Variants in CHST11 observed in about 807,000 individuals in gnomAD.
CHST11 encodes carbohydrate sulfotransferase 11, also known as C4S-1.
CHST11 carries 9 observed loss-of-function variants against 30.4 expected under a neutral mutation model. The ratio of observed to expected loss-of-function variants is 0.30; its 90% confidence interval spans 0.18 to 0.52. The LOEUF is 0.52. Among genes scored for constraint, CHST11 ranks in the 20% least tolerant of loss-of-function variants. The probability of loss-of-function intolerance (pLI) is 0.97; values close to 1 mark genes in which losing one functional copy is unlikely to be tolerated. For missense variants in CHST11, 348 were observed against 460.6 expected (o/e 0.76, Z 2.24); for synonymous variants, 152 against 187.8 (o/e 0.81, Z 1.56).
chr12:104,614,693 TTGTGTGTGTG>T (rs3039184), intron 2 of CHST11, among the ~76,000 whole-genome samples: 3 of 148,826 alleles, frequency 2.0e-5, no homozygotes, highest in African/African-American at 5.0e-5. Flanking sequence ...GCATGCATGC[TTGTGTGTGTG>T]TGTGTGTGTG....
chr12:104,616,801 AT>A (rs2039112308), intron 2 of CHST11, among the ~76,000 whole-genome samples: 1 of 152,126 alleles, frequency 6.6e-6, no homozygotes, highest in Non-Finnish European at 1.5e-5. Flanking sequence ...GGTCTGCACA[AT>A]CATTAACTGG....
intron 1 of CHST11, among the ~76,000 whole-genome samples, chr12:104,486,455 C>T (rs2037680045): frequency 6.6e-6 from 1 of 152,156 alleles, no homozygotes; most frequent in African/African-American, 2.4e-5. Context: ...TGACTTCTTG[C>T]CTGTTGGTGA....
intron 1 of CHST11, among the ~76,000 whole-genome samples, chr12:104,491,070 G>A (rs1056061636): frequency 2.6e-5 from 4 of 151,656 alleles, no homozygotes; most frequent in East Asian, 1.9e-4. Context: ...TGGAGGAAGT[G>A]TATTTAATCA....
In CHST11 at chr12:104,721,701, C is replaced by T. The variant is rs566627774; in HGVS notation, c.205-35248C>T. The stretch of plus-strand genomic sequence containing the variant: ...GTTTTCAGAGCCACCTCAAAGAGAA[C>T]ACAACCAGCATAGAAAAAAAAATAG... On this transcript the variant is annotated intron_variant, in intron 2 of 2. Transcript: ENST00000303694. Among the ~76,000 whole-genome samples the T allele has an allele frequency of 5.3e-5, 8 of 152,060 alleles. No homozygotes were observed. In the South Asian group the frequency reaches 1.7e-3, roughly 32 times the overall value.
At chr12:104,740,830 G>A (rs904680573) in intron 2 of CHST11, among the ~76,000 whole-genome samples, 15 of 152,310 alleles carry the variant, frequency 9.8e-5, no homozygotes, top group South Asian at 2.1e-4. Context: ...CTAAGAAGCC[G>A]CAGAGATGTC....
At chr12:104,733,314 T>C (rs2040272466) in intron 2 of CHST11, among the ~76,000 whole-genome samples, 1 of 152,212 alleles carries the variant, frequency 6.6e-6, no homozygotes, top group Non-Finnish European at 1.5e-5. Flanking sequence ...GATTTCCCCA[T>C]GGCATGGAAG....
intron 1 of CHST11, among the ~76,000 whole-genome samples, chr12:104,592,271 G>A (rs2038866726): frequency 6.6e-6 from 1 of 151,986 alleles, no homozygotes; most frequent in Non-Finnish European, 1.5e-5. Flanking sequence ...TCTGTTCAGG[G>A]TGCTACAACA....
Position 104,489,557 on chromosome 12 carries a change from C to T in CHST11, c.118+32028C>T, listed in dbSNP as rs375992289. Among the ~76,000 whole-genome samples the T allele has an allele frequency of 5.3e-5, 8 of 152,272 alleles. No homozygotes were observed. In the South Asian group the frequency reaches 1.7e-3, roughly 32 times the overall value. On this transcript the variant is annotated intron_variant, in intron 1 of 2. Coordinates refer to ENST00000303694, the MANE Select transcript of CHST11 (RefSeq NM_018413.6). ...GCAGTGGCACGATCTTGGCTCACTG[C>T]AACCTCCCCGTCCTGGGTTCAAGTG...
At chr12:104,563,447 AG>A (rs34306827) in intron 1 of CHST11, among the ~76,000 whole-genome samples, 4 of 152,152 alleles carry the variant, frequency 2.6e-5, no homozygotes, top group Non-Finnish European at 5.9e-5. Context: ...CTCTCGCTCA[AG>A]GGGCTGTATG....
At chr12:104,566,729 C>G (rs1324185990) in intron 1 of CHST11, among the ~76,000 whole-genome samples, 1 of 152,188 alleles carries the variant, frequency 6.6e-6, no homozygotes, top group Non-Finnish European at 1.5e-5. Context: ...AAATTACCCT[C>G]TGTTCGGGAA....
At chr12:104,725,516 T>A (rs1017245704) in intron 2 of CHST11, among the ~76,000 whole-genome samples, 1 of 136,310 alleles carries the variant, frequency 7.3e-6, no homozygotes, top group Non-Finnish European at 1.5e-5. Flanking sequence ...AAGCTGTTAA[T>A]TTTTTTTTTT....
intron 2 of CHST11, among the ~76,000 whole-genome samples, chr12:104,625,583 G>A (rs2039206842): frequency 6.6e-6 from 1 of 152,206 alleles, no homozygotes; most frequent in Non-Finnish European, 1.5e-5. Flanking sequence ...GAGATTACAG[G>A]CATGAGCCAC....
At chr12:104,639,020 A>T (rs1256941760) in intron 2 of CHST11, among the ~76,000 whole-genome samples, 1 of 152,190 alleles carries the variant, frequency 6.6e-6, no homozygotes, top group Non-Finnish European at 1.5e-5. Flanking sequence ...AAGCTTGAAA[A>T]TGTCAGTCTT....
rs2039563457 is a variant in CHST11 at position 104,658,125 on chromosome 12, C to G, written c.204+56134C>G. Among the ~76,000 whole-genome samples the G allele has an allele frequency of 1.3e-5, 2 of 152,232 alleles. 1 individual carries two copies. On this transcript the variant is annotated intron_variant, in intron 2 of 2. Coordinates refer to ENST00000303694, the MANE Select transcript of CHST11 (RefSeq NM_018413.6). ...GGCTTAGAGCCCCCTATGCCGCCCCCAACCTGCAGTGCCTCTTGGTGAGGA... is the reference window on the plus strand; with the variant it reads ...GGCTTAGAGCCCCCTATGCCGCCCCGAACCTGCAGTGCCTCTTGGTGAGGA...
chr12:104,477,693 C>T (rs920642664), intron 1 of CHST11, among the ~76,000 whole-genome samples: 8 of 152,232 alleles, frequency 5.3e-5, no homozygotes, highest in African/African-American at 1.9e-4. Context: ...GCCAGTGCCT[C>T]GATCTTGGAC....
chr12:104,681,825 C>CT (rs149441295), intron 2 of CHST11, among the ~76,000 whole-genome samples: 1,156 of 85,088 alleles, frequency 0.014, 15 homozygotes, highest in Middle Eastern at 0.031. Flanking sequence ...GTCTGTTTTG[C>CT]TTTTTTTTTT....
At chr12:104,574,104 G>GA (rs1246928143) in intron 1 of CHST11, among the ~76,000 whole-genome samples, 1 of 152,162 alleles carries the variant, frequency 6.6e-6, no homozygotes, top group Non-Finnish European at 1.5e-5. Flanking sequence ...AAAGACACAT[G>GA]AAAAAATGCT....
chr12:104,491,034 G>T (rs1339826736), intron 1 of CHST11, among the ~76,000 whole-genome samples: 56 of 143,512 alleles, frequency 3.9e-4, no homozygotes, highest in South Asian at 3.6e-3. Flanking sequence ...TTTTTTTTTT[G>T]ATCTCCGTCT....
chr12:104,606,822 C>G (rs1320847333), intron 2 of CHST11, among the ~76,000 whole-genome samples: 1 of 152,172 alleles, frequency 6.6e-6, no homozygotes, highest in Non-Finnish European at 1.5e-5. Flanking sequence ...TAATCCAACA[C>G]TTTGGGAGGC....
Sources: allele counts gnomAD v4.1 joint callset (sites outside exome capture counted in the v4.1 genomes callset), GRCh38; gene constraint gnomAD v4.1.1; transcripts MANE v1.5; gene names NCBI Gene and HGNC (gene_info 2026-07-23, HGNC 2026-07-21).